The following AP3B1 variants were observed in gnomAD, a reference collection of about 807,000 sequenced individuals.
AP3B1 encodes the protein AP-3 complex subunit beta-1.
In AP3B1, 61 loss-of-function variants were observed where a neutral mutation model predicts 132.5. That is an observed-to-expected ratio of 0.46 (90% CI 0.37 to 0.57). AP3B1 has a LOEUF of 0.57. Among genes scored for constraint, AP3B1 ranks in the 20% least tolerant of loss-of-function variants. The pLI is 0.00. For missense variants in AP3B1, 1,120 were observed against 1,289.4 expected, an observed-to-expected ratio of 0.87 and a Z score of 2.01; for synonymous variants, 388 against 438.3, an observed-to-expected ratio of 0.89 and a Z score of 1.43.
At chr5:78,057,977 A>G (rs776173867) in intron 22 of AP3B1, among the ~76,000 whole-genome samples, 27 of 152,210 alleles carry the variant, frequency 1.8e-4, no homozygotes, top group Non-Finnish European at 2.8e-4. Flanking sequence ...ACAAAAAAGA[A>G]TTAGCCAGGT....
intron 22 of AP3B1, among the ~76,000 whole-genome samples, chr5:78,046,583 C>T (rs903200559): frequency 2.6e-5 from 4 of 152,138 alleles, no homozygotes; most frequent in African/African-American, 9.7e-5. Context: ...AGAGGTAATG[C>T]CTCCCTCTGG....
At chr5:78,038,970 C>A (rs1446087739) in intron 23 of AP3B1, 73 bp downstream of exon 23, 1 of 892,812 alleles carries the variant, frequency 1.1e-6, no homozygotes, top group South Asian at 1.6e-5. Flanking sequence ...AAAAAGTATT[C>A]TACTTTACTT....
intron 25 of AP3B1, among the ~76,000 whole-genome samples, chr5:78,016,936 A>G: frequency 6.6e-6 from 1 of 152,136 alleles, no homozygotes; most frequent in East Asian, 1.9e-4. Context: ...CTTCTCCATT[A>G]AGCTCTATTG....
intron 12 of AP3B1, among the ~76,000 whole-genome samples, chr5:78,164,757 T>G (rs1056677446): frequency 2.6e-5 from 4 of 152,162 alleles, no homozygotes; most frequent in African/African-American, 9.6e-5. Flanking sequence ...ATTCTACTAT[T>G]CCTGTAAAAA....
chr5:78,199,801 T>C (rs1210975736), intron 7 of AP3B1, among the ~76,000 whole-genome samples: 1 of 151,720 alleles, frequency 6.6e-6, no homozygotes. Flanking sequence ...AAAGGGAGGG[T>C]AGAAAACTAG....
At chr5:78,262,238 A>G (rs1748124229) in intron 2 of AP3B1, among the ~76,000 whole-genome samples, 1 of 152,220 alleles carries the variant, frequency 6.6e-6, no homozygotes, top group African/African-American at 2.4e-5. Flanking sequence ...GATAAAATCC[A>G]AATAATCTAC....
In AP3B1 at chr5:78,267,446, T is replaced by C. The variant is rs1580567698; in HGVS notation, c.204+74A>G. On this transcript the variant is annotated intron_variant, in intron 2 of 26. Transcript: ENST00000255194. The stretch of plus-strand genomic sequence containing the variant: ...TTAGACTTGGTATTTAACGTATTTT[T>C]ATATATATATATAATAATATGATCA... 1.9e-5 allele frequency: 10 copies of C among 539,056 alleles called. No individual in the cohort carries two copies. In the South Asian group the frequency reaches 2.8e-4, roughly 15 times the overall value. 33.4% of individuals were successfully genotyped at this position (539,056 alleles called of 1,614,324 possible). A position where few individuals can be genotyped will look rare whatever the true frequency, so the allele number is the denominator to read the frequency against.
chr5:78,116,500 C>G (rs1018207840), intron 17 of AP3B1, among the ~76,000 whole-genome samples: 2 of 151,336 alleles, frequency 1.3e-5, no homozygotes, highest in Non-Finnish European at 2.9e-5. Context: ...TTTTGGCCCA[C>G]AGAAGATTTA....
At chr5:78,230,836 G>A (rs981250787) in intron 3 of AP3B1, among the ~76,000 whole-genome samples, 1 of 152,138 alleles carries the variant, frequency 6.6e-6, no homozygotes, top group Non-Finnish European at 1.5e-5. Flanking sequence ...ATATCCTTGT[G>A]GCCAGGCACG....
intron 19 of AP3B1, among the ~76,000 whole-genome samples, chr5:78,112,180 A>G (rs865992602): frequency 5.9e-5 from 9 of 152,354 alleles, no homozygotes; most frequent in Middle Eastern, 3.4e-3. Context: ...TGAGACAAGG[A>G]AAGAATCAAT....
intron 5 of AP3B1, 94 bp downstream of exon 5, chr5:78,227,278 C>T (rs998323815): frequency 4.9e-6 from 6 of 1,212,382 alleles, no homozygotes; most frequent in Admixed American, 1.7e-5. Context: ...GTAAGAGCAG[C>T]CTACCTAAAA....
intron 20 of AP3B1, among the ~76,000 whole-genome samples, chr5:78,108,536 A>T (rs1422188442): frequency 1.3e-5 from 2 of 152,238 alleles, no homozygotes; most frequent in African/African-American, 2.4e-5. Flanking sequence ...TATAAAGAAA[A>T]TAAGCCACCT....
intron 17 of AP3B1, among the ~76,000 whole-genome samples, chr5:78,119,558 G>A (rs1401353931): frequency 6.6e-6 from 1 of 152,226 alleles, no homozygotes; most frequent in Non-Finnish European, 1.5e-5. Flanking sequence ...AGCCTCAGGA[G>A]CCGACGCGAT....
chr5:78,081,803 C>A (rs758628947), intron 22 of AP3B1, among the ~76,000 whole-genome samples: 12 of 152,088 alleles, frequency 7.9e-5, no homozygotes, highest in Non-Finnish European at 1.8e-4. Flanking sequence ...ATTTAACTTT[C>A]TTTTCCCTTT....
intron 17 of AP3B1, among the ~76,000 whole-genome samples, chr5:78,119,742 T>C (rs950332720): frequency 3.9e-5 from 6 of 152,138 alleles, no homozygotes; most frequent in African/African-American, 1.4e-4. Flanking sequence ...ACGGGTAGAA[T>C]GGAACCAAGT....
At chr5:78,265,483 A>G (rs1748284096) in intron 2 of AP3B1, among the ~76,000 whole-genome samples, 1 of 152,138 alleles carries the variant, frequency 6.6e-6, no homozygotes, top group East Asian at 1.9e-4. Flanking sequence ...GAACTTATCA[A>G]GAGTGGTTTG....
intron 3 of AP3B1, among the ~76,000 whole-genome samples, chr5:78,240,453 G>A (rs1747077399): frequency 6.6e-6 from 1 of 152,032 alleles, no homozygotes; most frequent in African/African-American, 2.4e-5. Context: ...GAGAAACTTG[G>A]GAAATATTCT....
chr5:78,039,756 C>A (rs1390529997), intron 22 of AP3B1, among the ~76,000 whole-genome samples: 4 of 132,140 alleles, frequency 3.0e-5, no homozygotes, highest in Non-Finnish European at 4.6e-5. Context: ...CCAGCCTGGG[C>A]GACAGAGCGA....
chr5:78,081,259 G>A lies in AP3B1; in HGVS notation c.2577+8134C>T, dbSNP rs1467358995. Among the ~76,000 whole-genome samples, 3 of 150,864 alleles carry A rather than the reference G, an allele frequency of 2.0e-5. No homozygotes were observed. In the East Asian group the frequency reaches 5.8e-4, roughly 29 times the overall value. On this transcript the variant is annotated intron_variant, in intron 22 of 26. Coordinates refer to ENST00000255194, the MANE Select transcript of AP3B1 (RefSeq NM_003664.5). ...GAAGAGACATACTTGGATGCAAGAC[G>A]TGCAAATTCCTGCCGAGCCTATTTT...
Sources: gnomAD v4.1 joint callset for allele counts (sites outside exome capture counted in the v4.1 genomes callset) on GRCh38, gnomAD v4.1.1 for gene constraint, MANE v1.5 for transcripts, NCBI Gene and HGNC (gene_info 2026-07-23, HGNC 2026-07-21) for gene names.